NFIB: variants seen among roughly 807,000 people sequenced by gnomAD.
NFIB encodes nuclear factor I B.
Under a neutral mutation model 61.5 loss-of-function variants are expected in NFIB, and 11 were observed. The ratio of observed to expected loss-of-function variants is 0.18; its 90% confidence interval spans 0.11 to 0.30. The LOEUF (loss-of-function observed/expected upper bound fraction) is 0.30. Ranked by LOEUF, NFIB falls within the 10% of genes least tolerant of loss-of-function variation. NFIB has a pLI of 1.00. For missense variants in NFIB, 471 were observed against 608.9 expected, an observed-to-expected ratio of 0.77 and a Z score of 2.38; for synonymous variants, 260 against 216.5, an observed-to-expected ratio of 1.20 and a Z score of -1.76.
chr9:14,407,653 T>G, the NFIB span, among the ~76,000 whole-genome samples: 1 of 152,156 alleles, frequency 6.6e-6, no homozygotes, highest in Non-Finnish European at 1.5e-5. Context: ...AGAAGGCCTG[T>G]GGTGTAAGTT....
upstream of NFIB, among the ~76,000 whole-genome samples, chr9:14,400,659 C>G (rs570660331): frequency 2.0e-5 from 3 of 152,098 alleles, no homozygotes; most frequent in Non-Finnish European, 4.4e-5. Flanking sequence ...ATTAACAAAG[C>G]AAACCAAGCA....
intron 2 of NFIB, among the ~76,000 whole-genome samples, chr9:14,222,930 T>C (rs528237719): frequency 6.6e-6 from 1 of 152,202 alleles, no homozygotes; most frequent in East Asian, 1.9e-4. Flanking sequence ...CTCAAGACAT[T>C]ACCTGGAATT....
intron 2 of NFIB, among the ~76,000 whole-genome samples, chr9:14,225,456 CAA>C (rs1228589594): frequency 1.7e-5 from 1 of 58,020 alleles, no homozygotes; most frequent in Non-Finnish European, 4.3e-5. Context: ...GACTCCGTCT[CAA>C]AAAAAAAAAA....
At chr9:14,205,587 T>C (rs1370566467) in intron 2 of NFIB, among the ~76,000 whole-genome samples, 1 of 152,112 alleles carries the variant, frequency 6.6e-6, no homozygotes, top group Non-Finnish European at 1.5e-5. Context: ...TAAGCTCAGG[T>C]TGAGAGACAC....
intron 1 of NFIB, among the ~76,000 whole-genome samples, chr9:14,352,961 C>T (rs1164702734): frequency 6.6e-6 from 1 of 152,146 alleles, no homozygotes; most frequent in East Asian, 1.9e-4. Flanking sequence ...AGAGGATGCT[C>T]ATTTATTACT....
the NFIB span, among the ~76,000 whole-genome samples, chr9:14,469,027 C>T: frequency 6.6e-6 from 1 of 152,152 alleles, no homozygotes; most frequent in Admixed American, 6.5e-5. Context: ...GGCAGGCAGG[C>T]ACAACAATGC....
chr9:14,348,535 G>T (rs1588347908), intron 1 of NFIB, among the ~76,000 whole-genome samples: 2 of 152,182 alleles, frequency 1.3e-5, no homozygotes, highest in Admixed American at 1.3e-4. Context: ...CAGTGCTTCG[G>T]CTCCAGTTTA....
the NFIB span, among the ~76,000 whole-genome samples, chr9:14,439,637 AGCCCCAGAAGTG>A: frequency 6.6e-6 from 1 of 152,138 alleles, no homozygotes; most frequent in Non-Finnish European, 1.5e-5. Context: ...GCACATGCTG[AGCCCCAGAAGTG>A]GCCTGAGGTT....
At chr9:14,350,490 A>G (rs866321566) in intron 1 of NFIB, among the ~76,000 whole-genome samples, 9 of 139,972 alleles carry the variant, frequency 6.4e-5, no homozygotes, top group African/African-American at 2.3e-4. Flanking sequence ...CCCAATTCCT[A>G]TAGGGCGAAA....
intron 1 of NFIB, among the ~76,000 whole-genome samples, chr9:14,337,445 T>C (rs2060897909): frequency 1.3e-5 from 2 of 152,144 alleles, no homozygotes. Flanking sequence ...ATCATAATAA[T>C]GGTTACCTCT....
chr9:14,435,395 G>C, the NFIB span, among the ~76,000 whole-genome samples: 1 of 152,224 alleles, frequency 6.6e-6, no homozygotes, highest in African/African-American at 2.4e-5. Context: ...TGTGGAACCA[G>C]ACTATCTGGA....
At chr9:14,318,505 CTTTTTT>C (rs34481505), upstream of NFIB, among the ~76,000 whole-genome samples, 14 of 66,842 alleles carry the variant, frequency 2.1e-4, no homozygotes, top group African/African-American at 5.9e-4. Context: ...CACTCGATGC[CTTTTTT>C]TTTTTTTTTT....
At chr9:14,264,897 T>G (rs2057073841) in intron 2 of NFIB, among the ~76,000 whole-genome samples, 2 of 151,728 alleles carry the variant, frequency 1.3e-5, no homozygotes, top group Admixed American at 1.3e-4. Context: ...TTAGGTTCCG[T>G]GACTTCCCTC....
At chr9:14,363,617 GTATATGTGTGTACATATACATATA>G in intron 1 of NFIB, among the ~76,000 whole-genome samples, 1 of 123,298 alleles carries the variant, frequency 8.1e-6, no homozygotes, top group East Asian at 2.0e-4. Flanking sequence ...ATATGTGCAT[GTATATGTGTGTACATATACATATA>G]TATGTATATG....
intron 1 of NFIB, among the ~76,000 whole-genome samples, chr9:14,356,994 T>C (rs1423212411): frequency 1.3e-5 from 2 of 152,246 alleles, no homozygotes; most frequent in African/African-American, 4.8e-5. Context: ...TGCTCAGTAC[T>C]GGCTAACTGA....
At chr9:14,200,443 A>G (rs1388482332) in intron 2 of NFIB, among the ~76,000 whole-genome samples, 1 of 152,240 alleles carries the variant, frequency 6.6e-6, no homozygotes, top group Non-Finnish European at 1.5e-5. Flanking sequence ...GATGTGAGAT[A>G]AGAAAATAAT....
intron 2 of NFIB, among the ~76,000 whole-genome samples, chr9:14,221,163 G>A (rs1036919701): frequency 1.3e-5 from 2 of 152,002 alleles, no homozygotes; most frequent in Admixed American, 1.3e-4. Context: ...CTTACAACCT[G>A]GCTACTTCCC....
chr9:14,211,527 T>C lies in NFIB; in HGVS notation c.563-31747A>G, dbSNP rs190163792. Among the ~76,000 whole-genome samples the C allele has an allele frequency of 3.9e-3, 593 of 152,346 alleles. 5 individuals carry two copies. The highest frequency in any genetic ancestry group is 0.014 in the African/African-American group (565 of 41,592). On this transcript the variant is annotated intron_variant, in intron 2 of 10. Transcript: ENST00000380953. ...AAAAGCTTTGACCACTCCCATTGTC[T>C]ACCTTAAAAAAATACTAGTATAGTT...
chr9:14,275,328 T>C (rs1435598795), intron 2 of NFIB, among the ~76,000 whole-genome samples: 1 of 152,204 alleles, frequency 6.6e-6, no homozygotes, highest in Non-Finnish European at 1.5e-5. Context: ...TCAGCCAACA[T>C]TCTCTTACTC....
Sources: allele counts gnomAD v4.1 joint callset (sites outside exome capture counted in the v4.1 genomes callset), GRCh38; gene constraint gnomAD v4.1.1; transcripts MANE v1.5; gene names NCBI Gene and HGNC (gene_info 2026-07-23, HGNC 2026-07-21).